The following XYLT1 variants were observed in gnomAD, a reference collection of about 807,000 sequenced individuals.
The protein encoded by XYLT1 is beta-D-xylosyltransferase 1.
XYLT1 carries 36 observed loss-of-function variants against 91.3 expected under a neutral mutation model. The observed-to-expected ratio is 0.39, with a 90% CI of 0.30 to 0.52. XYLT1 has a LOEUF of 0.52. XYLT1 is among the 20% of genes least tolerant of loss of function. XYLT1 has a pLI of 0.68. For missense variants in XYLT1, 1,242 were observed against 1,284.5 expected (o/e 0.97, Z 0.51); for synonymous variants, 588 against 532.0 (o/e 1.11, Z -1.45).
intron 2 of XYLT1, among the ~76,000 whole-genome samples, chr16:17,265,542 T>G (rs950068720): frequency 8.5e-5 from 13 of 152,360 alleles, no homozygotes; most frequent in African/African-American, 2.9e-4. Context: ...CTCTAATTGC[T>G]CTGCTGTTGC....
chr16:17,159,870 C>T (rs944576612), intron 5 of XYLT1, among the ~76,000 whole-genome samples: 5 of 152,218 alleles, frequency 3.3e-5, no homozygotes, highest in Non-Finnish European at 7.3e-5. Context: ...GAAACGCAGT[C>T]GCCTCTTCTG....
chr16:17,273,290 C>CTTT (rs2033923334), intron 2 of XYLT1, among the ~76,000 whole-genome samples: 1 of 152,216 alleles, frequency 6.6e-6, no homozygotes, highest in Admixed American at 6.5e-5. Context: ...GCCACACAAG[C>CTTT]TGTGGCTGTG....
intron 1 of XYLT1, among the ~76,000 whole-genome samples, chr16:17,359,693 C>T (rs1012325872): frequency 6.6e-6 from 1 of 152,208 alleles, no homozygotes; most frequent in African/African-American, 2.4e-5. Context: ...CGTCTCCCCA[C>T]ATTGCAGCCT....
At chr16:17,188,508 C>T (rs1397778065) in intron 5 of XYLT1, among the ~76,000 whole-genome samples, 3 of 152,186 alleles carry the variant, frequency 2.0e-5, no homozygotes, top group Admixed American at 6.5e-5. Flanking sequence ...TTGGAACCTC[C>T]TCACACTTCT....
chr16:17,159,197 G>C (rs780401807), intron 5 of XYLT1, among the ~76,000 whole-genome samples: 2 of 152,162 alleles, frequency 1.3e-5, no homozygotes, highest in Non-Finnish European at 2.9e-5. Flanking sequence ...GGAATCTCCA[G>C]TGCCTGGCAC....
At chr16:17,329,144 A>C (rs976020555) in intron 2 of XYLT1, among the ~76,000 whole-genome samples, 2 of 152,214 alleles carry the variant, frequency 1.3e-5, no homozygotes, top group African/African-American at 4.8e-5. Flanking sequence ...ATAGACGAGT[A>C]CGTAACAAAT....
intron 9 of XYLT1, among the ~76,000 whole-genome samples, chr16:17,129,475 T>C (rs2030390731): frequency 6.6e-6 from 1 of 152,140 alleles, no homozygotes; most frequent in East Asian, 1.9e-4. Context: ...TTGGCCAGGC[T>C]GGTCTCAAAC....
At chr16:17,127,960 A>G (rs889411160) in intron 9 of XYLT1, 99 bp from the exon 10 acceptor site, 21 of 1,061,996 alleles carry the variant, frequency 2.0e-5, no homozygotes, top group Middle Eastern at 3.2e-4. Flanking sequence ...AGCAGTCCCC[A>G]TTGTGCACAA....
chr16:17,314,380 C>T (rs372115589), intron 2 of XYLT1, among the ~76,000 whole-genome samples: 226 of 152,248 alleles, frequency 1.5e-3, no homozygotes, highest in Admixed American at 2.7e-3. Flanking sequence ...CCCCGCTGCA[C>T]GTTGCCGAGT....
chr16:17,297,597 C>T (rs930298712), intron 2 of XYLT1, among the ~76,000 whole-genome samples: 2 of 151,806 alleles, frequency 1.3e-5, no homozygotes, highest in African/African-American at 2.4e-5. Flanking sequence ...GGGGCCCATG[C>T]CTATAGTCCT....
At chr16:17,219,089 C>A (rs1440885073) in intron 3 of XYLT1, among the ~76,000 whole-genome samples, 1 of 151,964 alleles carries the variant, frequency 6.6e-6, no homozygotes, top group Non-Finnish European at 1.5e-5. Context: ...CAAGACCATC[C>A]TGGCCAACAT....
At chr16:17,313,608 T>C (rs781680133) in intron 2 of XYLT1, among the ~76,000 whole-genome samples, 8 of 152,044 alleles carry the variant, frequency 5.3e-5, no homozygotes, top group Admixed American at 2.6e-4. Context: ...TTCAACAGCA[T>C]TGATGCTGCT....
chr16:17,188,283 C>T (rs1352683237), intron 5 of XYLT1, among the ~76,000 whole-genome samples: 1 of 152,128 alleles, frequency 6.6e-6, no homozygotes, highest in Non-Finnish European at 1.5e-5. Flanking sequence ...CTCAATGTGG[C>T]AAATATTGTC....
At chr16:17,297,008 G>A (rs2034322165) in intron 2 of XYLT1, among the ~76,000 whole-genome samples, 1 of 152,224 alleles carries the variant, frequency 6.6e-6, no homozygotes, top group African/African-American at 2.4e-5. Flanking sequence ...GGAGGAAGCA[G>A]AAGTACTATT....
At chr16:17,155,192 C>A (rs1440025087) in intron 6 of XYLT1, among the ~76,000 whole-genome samples, 1 of 152,102 alleles carries the variant, frequency 6.6e-6, no homozygotes, top group African/African-American at 2.4e-5. Flanking sequence ...GGGTGTGAGT[C>A]CTCCCCGCTG....
chr16:17,163,306 A>C (rs1353895005), intron 5 of XYLT1, among the ~76,000 whole-genome samples: 1 of 152,226 alleles, frequency 6.6e-6, no homozygotes, highest in Non-Finnish European at 1.5e-5. Flanking sequence ...ACAGCTCTGG[A>C]CATGAAGATA....
At chr16:17,329,928 C>G (rs2034869354) in intron 2 of XYLT1, among the ~76,000 whole-genome samples, 4 of 152,178 alleles carry the variant, frequency 2.6e-5, no homozygotes. Flanking sequence ...GTTTCTACCT[C>G]AAAATGTTGA....
At chr16:17,138,926 A>AATTTCACCCCTGGGG (rs1567291789) in intron 7 of XYLT1, among the ~76,000 whole-genome samples, 2 of 152,182 alleles carry the variant, frequency 1.3e-5, no homozygotes, top group African/African-American at 4.8e-5. Context: ...GGTGTGCTGG[A>AATTTCACCCCTGGGG]ATTTCACCCC....
intron 2 of XYLT1, among the ~76,000 whole-genome samples, chr16:17,351,740 CT>C (rs201013023): frequency 5.3e-5 from 6 of 113,630 alleles, no homozygotes; most frequent in African/African-American, 2.8e-4. Context: ...ACATTTGAGG[CT>C]TTTTTTTTGG....
Sources: gnomAD v4.1 joint callset for allele counts (sites outside exome capture counted in the v4.1 genomes callset) on GRCh38, gnomAD v4.1.1 for gene constraint, MANE v1.5 for transcripts, NCBI Gene and HGNC (gene_info 2026-07-23, HGNC 2026-07-21) for gene names.